C12orf42: variants seen among roughly 807,000 people sequenced by gnomAD.
The protein encoded by C12orf42 is uncharacterized protein C12orf42.
Under a neutral mutation model 21.6 loss-of-function variants are expected in C12orf42, and 25 were observed. The observed-to-expected ratio is 1.16, with a 90% CI of 0.84 to 1.62. The LOEUF is 1.62. C12orf42 is among the 40% of genes most tolerant of loss of function. C12orf42 has a pLI of 0.00. For synonymous variants in C12orf42, 174 were observed against 175.0 expected (o/e 0.99, Z 0.05); for missense variants, 483 against 459.3 (o/e 1.05, Z -0.47).
In C12orf42 at chr12:103,306,281, T is replaced by A. The variant is rs757549027; in HGVS notation, c.324A>T (p.Ile108=). The change falls in exon 5 of 6, where the codon ATA becomes ATT. Residue 108 remains isoleucine, a synonymous_variant. Transcript: ENST00000548883. The part of the protein sequence containing the change: ...CKRLLHTCQY[I]VPRCSVSTVS... ...CTGTGCTTACAGAACACCTGGGGAC[T>A]ATGTACTGGCAAGTATGAAGTAGTC... 2 of 1,613,698 alleles carry A rather than the reference T, an allele frequency of 1.2e-6. No individual in the cohort carries two copies. Among genetic ancestry groups the A allele is most frequent in the East Asian group, 4.5e-5 (2 of 44,886 alleles).
chr12:103,174,684 G>A, the C12orf42 span, among the ~76,000 whole-genome samples: 549 of 152,116 alleles, frequency 3.6e-3, 2 homozygotes, highest in African/African-American at 0.013. Flanking sequence ...GTAAACAATC[G>A]AAGTATATCA....
At chr12:103,135,562 T>C in the C12orf42 span, among the ~76,000 whole-genome samples, 3 of 151,858 alleles carry the variant, frequency 2.0e-5, no homozygotes, top group Non-Finnish European at 4.4e-5. Flanking sequence ...ACAAAGGAGA[T>C]ACAAAACAAC....
chr12:103,263,969 C>T (rs936707059), downstream of C12orf42, among the ~76,000 whole-genome samples: 7 of 152,128 alleles, frequency 4.6e-5, no homozygotes, highest in African/African-American at 9.7e-5. Flanking sequence ...TTTTCTCTTC[C>T]ATCCTCTACC....
At chr12:103,126,572 A>C in the C12orf42 span, among the ~76,000 whole-genome samples, 2 of 151,882 alleles carry the variant, frequency 1.3e-5, no homozygotes, top group Non-Finnish European at 2.9e-5. Context: ...CAATCAATGT[A>C]ATGGTTCAAG....
chr12:103,340,617 G>A (rs2042077609), intron 4 of C12orf42, among the ~76,000 whole-genome samples: 1 of 152,020 alleles, frequency 6.6e-6, no homozygotes, highest in African/African-American at 2.4e-5. Context: ...CATCTAATCA[G>A]TTCTTACCAG....
chr12:103,180,615 C>CTTTTTTTTTTT, the C12orf42 span, among the ~76,000 whole-genome samples: 5 of 61,964 alleles, frequency 8.1e-5, no homozygotes, highest in African/African-American at 3.7e-4. Flanking sequence ...AAATAATTTC[C>CTTTTTTTTTTT]TTTTTTTTTT....
rs144123105 is a variant in C12orf42 at position 103,322,352 on chromosome 12, A to AT, written c.260-16008dup. On this transcript the variant is annotated intron_variant, in intron 4 of 5. Coordinates refer to ENST00000548883, the MANE Select transcript of C12orf42 (RefSeq NM_198521.5). ...TTGGACAATTAGACTCCTTTGATGG[A>AT]TTTTTTTTTTCTTAGGACTTAACAG... 9.1e-3 allele frequency among the ~76,000 whole-genome samples: 1,370 copies of AT among 150,700 alleles called. 10 individuals carry two copies. The highest frequency in any genetic ancestry group is 0.03 in the African/African-American group (1,241 of 41,110).
the C12orf42 span, among the ~76,000 whole-genome samples, chr12:103,051,528 T>C: frequency 1.3e-5 from 2 of 152,180 alleles, no homozygotes; most frequent in African/African-American, 4.8e-5. Flanking sequence ...GCCTAACTAT[T>C]GTCACATAAA....
At chr12:103,265,629 T>C (rs2035126841), downstream of C12orf42, among the ~76,000 whole-genome samples, 1 of 152,138 alleles carries the variant, frequency 6.6e-6, no homozygotes, top group Admixed American at 6.6e-5. Context: ...AAAGACAAGA[T>C]GCTGAAAATG....
the C12orf42 span, among the ~76,000 whole-genome samples, chr12:103,533,063 G>A: frequency 1.3e-5 from 2 of 152,182 alleles, no homozygotes; most frequent in Non-Finnish European, 2.9e-5. Flanking sequence ...CACCAGCAGA[G>A]TGAGTTTCTA....
At chr12:103,505,179 T>C in the C12orf42 span, among the ~76,000 whole-genome samples, 2 of 152,194 alleles carry the variant, frequency 1.3e-5, no homozygotes, top group African/African-American at 4.8e-5. Flanking sequence ...GAGAACAGAC[T>C]CCATTTACCT....
At chr12:103,256,093 TATATATATATATATATATACACACACAC>T (rs2034574929) in intron 10 of C12orf42, among the ~76,000 whole-genome samples, 1 of 48,838 alleles carries the variant, frequency 2.0e-5, no homozygotes, top group African/African-American at 8.6e-5. Context: ...AAAATATATA[TATATATATATATATATATACACACACAC>T]ACACACACAC....
intron 5 of C12orf42, chr12:103,277,003 A>G: frequency 3.0e-6 from 1 of 335,494 alleles, no homozygotes; most frequent in South Asian, 2.3e-5. Flanking sequence ...TAAAATTTTT[A>G]CAATTAGATA....
intron 1 of C12orf42, among the ~76,000 whole-genome samples, chr12:103,483,845 T>A (rs867511231): frequency 1.6e-4 from 24 of 152,260 alleles, no homozygotes; most frequent in African/African-American, 5.8e-4. Context: ...TGGTGTGCGA[T>A]GTTGCCCATC....
the C12orf42 span, chr12:103,164,552 G>A: frequency 1.9e-5 from 8 of 431,258 alleles, no homozygotes; most frequent in Non-Finnish European, 3.3e-5. Context: ...CTAAGGCACA[G>A]GGGGTGGGTG....
intron 4 of C12orf42, among the ~76,000 whole-genome samples, chr12:103,325,988 G>C (rs922598219): frequency 3.3e-5 from 5 of 152,132 alleles, no homozygotes; most frequent in African/African-American, 1.2e-4. Context: ...AGTACATTGT[G>C]CTCAATAATA....
intron 4 of C12orf42, among the ~76,000 whole-genome samples, chr12:103,311,723 T>C (rs562498520): frequency 1.8e-4 from 28 of 152,272 alleles, no homozygotes; most frequent in Non-Finnish European, 3.1e-4. Flanking sequence ...ATCTCTTGCA[T>C]TGAATACAGT....
the C12orf42 span, among the ~76,000 whole-genome samples, chr12:103,231,235 A>G: frequency 2.6e-5 from 4 of 152,238 alleles, no homozygotes; most frequent in South Asian, 2.1e-4. Flanking sequence ...ACACATGCAT[A>G]GCCTCCACCA....
chr12:103,061,620 C>T, the C12orf42 span, among the ~76,000 whole-genome samples: 2 of 151,694 alleles, frequency 1.3e-5, no homozygotes, highest in East Asian at 3.9e-4. Context: ...TTTATTAATA[C>T]AAAGTATTTT....
Sources: allele counts gnomAD v4.1 joint callset (sites outside exome capture counted in the v4.1 genomes callset), GRCh38; gene constraint gnomAD v4.1.1; transcripts MANE v1.5; gene names NCBI Gene and HGNC (gene_info 2026-07-23, HGNC 2026-07-21).